Variants in ZNF365 observed in about 807,000 individuals in gnomAD.
ZNF365 encodes the protein protein ZNF365.
In ZNF365, 22 loss-of-function variants were observed where a neutral mutation model predicts 35.0. The ratio of observed to expected loss-of-function variants is 0.63; its 90% CI spans 0.45 to 0.90. ZNF365 has a LOEUF of 0.90. ZNF365 is among the 40% of genes least tolerant of loss of function. The probability of loss-of-function intolerance (pLI) is 0.00; values close to 1 mark genes in which losing one functional copy is unlikely to be tolerated. For missense variants in ZNF365, 448 were observed against 500.3 expected, an observed-to-expected ratio of 0.90 and a Z score of 1.00; for synonymous variants, 188 against 196.2, an observed-to-expected ratio of 0.96 and a Z score of 0.35.
chr10:62,446,576 C>G (rs1442294444), intron 3 of ZNF365, among the ~76,000 whole-genome samples: 3 of 148,704 alleles, frequency 2.0e-5, no homozygotes, highest in Non-Finnish European at 4.5e-5. Context: ...GAAACAGCAA[C>G]AGTTTCAGAT....
chr10:62,456,934 A>G (rs912304744), intron 3 of ZNF365, among the ~76,000 whole-genome samples: 2 of 152,094 alleles, frequency 1.3e-5, no homozygotes, highest in African/African-American at 4.8e-5. Context: ...GATGATCTAG[A>G]TTGGGCTTGT....
chr10:62,468,619 C>A (rs116462434), intron 4 of ZNF365, among the ~76,000 whole-genome samples: 1,720 of 152,242 alleles, frequency 0.011, 27 homozygotes, highest in African/African-American at 0.039. Context: ...AATGCCCCCC[C>A]AGATTAGCAG....
rs1839328682 is a variant in ZNF365 at position 62,376,365 on chromosome 10, C to T, written c.172C>T (p.Leu58Phe). 6.2e-7 allele frequency: 1 copy of T among 1,614,150 alleles called. No homozygotes were observed. Among genetic ancestry groups the T allele is most frequent in the Non-Finnish European group, 8.5e-7 (1 of 1,180,034 alleles). The change falls in exon 2 of 5, where the codon CTC becomes TTC. Residue 58 changes from leucine to phenylalanine, a missense_variant. By Grantham distance (22) the Leu-to-Phe change is conservative (BLOSUM62 0). This residue lies in a region of ZNF365 where 76 missense variants were observed against 96.7 expected (regional missense o/e 0.79). Transcript: ENST00000395254. ...EFSHSYEERT[L>F]LTKCSLFPSL... ...CAGTCACAGCTACGAAGAAAGAACC[C>T]TCTTGACAAAATGCAGTCTCTTTCC...
exon 4 of ZNF365, chr10:62,459,792 T>C (rs752638590): frequency 3.1e-6 from 5 of 1,609,950 alleles, no homozygotes; most frequent in Non-Finnish European, 4.2e-6. Context: ...TGACCTGGAA[T>C]TGGAGGTAAA....
downstream of ZNF365, among the ~76,000 whole-genome samples, chr10:62,405,279 G>T (rs1839888513): frequency 6.6e-6 from 1 of 152,166 alleles, no homozygotes; most frequent in African/African-American, 2.4e-5. Flanking sequence ...GCCTTCTTCA[G>T]GCATTTTCCA....
chr10:62,414,808 C>T (rs1461515203), intron 3 of ZNF365, among the ~76,000 whole-genome samples: 1 of 152,144 alleles, frequency 6.6e-6, no homozygotes, highest in Non-Finnish European at 1.5e-5. Context: ...CTTTCCTATC[C>T]TTTTGGGATA....
intron 3 of ZNF365, among the ~76,000 whole-genome samples, chr10:62,446,682 G>GA (rs1006022186): frequency 2.0e-5 from 3 of 152,076 alleles, no homozygotes; most frequent in South Asian, 2.1e-4. Flanking sequence ...AATTTTGGGG[G>GA]AAAAAATCCA....
At chr10:62,451,690 G>A (rs1398088788) in intron 3 of ZNF365, among the ~76,000 whole-genome samples, 2 of 152,148 alleles carry the variant, frequency 1.3e-5, no homozygotes, top group Admixed American at 6.6e-5. Context: ...AGTGGTTACC[G>A]ACATTCCCTC....
intron 4 of ZNF365, among the ~76,000 whole-genome samples, chr10:62,475,838 A>G (rs756713910): frequency 2.6e-5 from 4 of 152,182 alleles, no homozygotes; most frequent in East Asian, 1.9e-4. Context: ...AAAGCCAATC[A>G]GGTGCCGGCA....
chr10:62,378,795 T>G (rs1171916679), intron 2 of ZNF365, among the ~76,000 whole-genome samples: 1 of 152,216 alleles, frequency 6.6e-6, no homozygotes, highest in Non-Finnish European at 1.5e-5. Flanking sequence ...TTTAATATAA[T>G]AGATTTCAGG....
At position 62,433,651 on chromosome 10, in the gene ZNF365, T is replaced by G. The variant is rs114686163; in HGVS notation, c.925-26090T>G. ...AAGCAGAAGGTCAACTCCACAGAGC[T>G]CCAAGTCAGGTTGAGAGCATCCTGA... On this transcript the variant is annotated intron_variant, in intron 3 of 4. Coordinates refer to the ZNF365 transcript ENST00000395255. 2.4e-3 allele frequency among the ~76,000 whole-genome samples: 370 copies of G among 152,276 alleles called. 2 individuals are homozygous for G. Among genetic ancestry groups the G allele is most frequent in the African/African-American group, 7.8e-3 (323 of 41,540 alleles).
intron 4 of ZNF365, among the ~76,000 whole-genome samples, chr10:62,466,364 A>C (rs139028098): frequency 2.5e-3 from 381 of 152,298 alleles, no homozygotes; most frequent in African/African-American, 8.9e-3. Context: ...CTGCTGCAGC[A>C]GCTGGTGTGC....
At chr10:62,451,091 G>A (rs1840676898) in intron 3 of ZNF365, among the ~76,000 whole-genome samples, 1 of 152,162 alleles carries the variant, frequency 6.6e-6, no homozygotes, top group Non-Finnish European at 1.5e-5. Context: ...GCAGAAAACA[G>A]CAGAAAAACA....
chr10:62,413,119 A>G (rs937227439), intron 3 of ZNF365, among the ~76,000 whole-genome samples: 3 of 152,190 alleles, frequency 2.0e-5, no homozygotes, highest in Non-Finnish European at 2.9e-5. Context: ...ATTTAGTAAA[A>G]GTAAAAATAC....
chr10:62,478,462 T>A (rs1355890545), intron 4 of ZNF365, among the ~76,000 whole-genome samples: 1 of 152,240 alleles, frequency 6.6e-6, no homozygotes, highest in African/African-American at 2.4e-5. Context: ...TGTCTTTGGC[T>A]ACATCTCAAG....
At chr10:62,458,114 A>T (rs1382151458) in intron 3 of ZNF365, among the ~76,000 whole-genome samples, 2 of 152,164 alleles carry the variant, frequency 1.3e-5, no homozygotes, top group African/African-American at 4.8e-5. Context: ...AAACGGTGCA[A>T]CCATTCTCTG....
intron 3 of ZNF365, among the ~76,000 whole-genome samples, chr10:62,412,470 T>G (rs892820299): frequency 6.6e-6 from 1 of 152,076 alleles, no homozygotes; most frequent in African/African-American, 2.4e-5. Flanking sequence ...TAAAGGGTAT[T>G]CAAATAGGGA....
chr10:62,474,344 G>T (rs1441910480), intron 4 of ZNF365, among the ~76,000 whole-genome samples: 3 of 152,208 alleles, frequency 2.0e-5, no homozygotes, highest in Admixed American at 1.3e-4. Context: ...TTGATTTCTG[G>T]ATGGAGTTGC....
chr10:62,388,723 A>T, intron 3 of ZNF365, 147 bp downstream of exon 3: 2 of 1,027,834 alleles, frequency 1.9e-6, no homozygotes, highest in South Asian at 1.8e-5. Flanking sequence ...TGTATTGTGG[A>T]AATGTTACTG....
Sources: allele counts gnomAD v4.1 joint callset (sites outside exome capture counted in the v4.1 genomes callset), GRCh38; gene constraint gnomAD v4.1.1; regional missense constraint gnomAD v4.1.1; transcripts MANE v1.5; gene names NCBI Gene and HGNC (gene_info 2026-07-23, HGNC 2026-07-21).